Variants in KCNIP4 observed in about 807,000 individuals in gnomAD.
KCNIP4 encodes potassium voltage-gated channel interacting protein 4, also known as Kv channel-interacting protein 4.
Under a neutral mutation model 34.0 loss-of-function variants are expected in KCNIP4, and 12 were observed. The observed-to-expected ratio is 0.35, with a 90% CI of 0.23 to 0.57. KCNIP4 has a LOEUF of 0.57. Among genes scored for constraint, KCNIP4 ranks in the 20% least tolerant of loss-of-function variants. The pLI is 0.83. For missense variants in KCNIP4, 238 were observed against 311.7 expected (o/e 0.76, Z 1.78); for synonymous variants, 124 against 102.2 (o/e 1.21, Z -1.29).
chr4:21,429,089 C>T (rs1489426848), intron 1 of KCNIP4, among the ~76,000 whole-genome samples: 1 of 152,144 alleles, frequency 6.6e-6, no homozygotes, highest in Non-Finnish European at 1.5e-5. Flanking sequence ...TAGTATCATA[C>T]AAAATAGGTT....
chr4:21,261,717 T>C (rs1327255493), intron 1 of KCNIP4, among the ~76,000 whole-genome samples: 3 of 152,166 alleles, frequency 2.0e-5, no homozygotes, highest in Non-Finnish European at 4.4e-5. Context: ...TAAGTCCTAT[T>C]GGCTCTACGT....
At chr4:21,401,391 T>C (rs1038277134) in intron 1 of KCNIP4, among the ~76,000 whole-genome samples, 1 of 152,220 alleles carries the variant, frequency 6.6e-6, no homozygotes, top group Non-Finnish European at 1.5e-5. Flanking sequence ...AAATCTCCGA[T>C]GCCCATGTAC....
chr4:21,330,325 C>T (rs889435774), intron 1 of KCNIP4, among the ~76,000 whole-genome samples: 2 of 152,016 alleles, frequency 1.3e-5, no homozygotes, highest in African/African-American at 2.4e-5. Flanking sequence ...CATGTTAACC[C>T]GAATAAGTTT....
intron 1 of KCNIP4, among the ~76,000 whole-genome samples, chr4:20,956,615 T>G (rs1050304373): frequency 2.0e-5 from 3 of 152,100 alleles, no homozygotes; most frequent in Admixed American, 6.6e-5. Context: ...TGCAGAAGAA[T>G]AAAACAATAG....
chr4:21,716,206 C>T (rs955208715), intron 1 of KCNIP4, among the ~76,000 whole-genome samples: 2 of 152,060 alleles, frequency 1.3e-5, no homozygotes, highest in African/African-American at 2.4e-5. Flanking sequence ...ACTCAGTTTA[C>T]GTATGGGGCC....
intron 1 of KCNIP4, among the ~76,000 whole-genome samples, chr4:21,477,741 C>G (rs1212946794): frequency 6.6e-6 from 1 of 152,074 alleles, no homozygotes; most frequent in Non-Finnish European, 1.5e-5. Context: ...ATGAGTGCAC[C>G]ATGTACAGAA....
At chr4:20,902,954 C>T (rs182268926) in intron 1 of KCNIP4, among the ~76,000 whole-genome samples, 305 of 152,276 alleles carry the variant, frequency 2.0e-3, no homozygotes, top group African/African-American at 7.1e-3. Flanking sequence ...TTTATGAAAA[C>T]ATATTACATA....
intron 1 of KCNIP4, among the ~76,000 whole-genome samples, chr4:21,902,055 T>C (rs552552986): frequency 3.1e-4 from 47 of 152,220 alleles, no homozygotes; most frequent in Non-Finnish European, 5.7e-4. Flanking sequence ...TCAGCTATAT[T>C]ACTTTCAACT....
intron 3 of KCNIP4, among the ~76,000 whole-genome samples, chr4:20,807,735 A>G (rs2149428282): frequency 6.6e-6 from 1 of 152,288 alleles, no homozygotes; most frequent in South Asian, 2.1e-4. Flanking sequence ...CCTACTGAAA[A>G]ATGTGCTCAG....
intron 1 of KCNIP4, among the ~76,000 whole-genome samples, chr4:21,243,355 A>G (rs1759988458): frequency 2.0e-5 from 3 of 152,176 alleles, no homozygotes; most frequent in Admixed American, 1.3e-4. Flanking sequence ...TTACTGTTTA[A>G]AGATAGAAAT....
intron 2 of KCNIP4, among the ~76,000 whole-genome samples, chr4:20,857,208 C>T (rs545094954): frequency 7.2e-5 from 11 of 152,138 alleles, no homozygotes; most frequent in African/African-American, 2.4e-4. Context: ...TCAGCAATCA[C>T]CAGCATATGA....
chr4:21,373,000 T>G (rs1384140231), intron 1 of KCNIP4, among the ~76,000 whole-genome samples: 1 of 145,896 alleles, frequency 6.9e-6, no homozygotes, highest in Non-Finnish European at 1.5e-5. Flanking sequence ...TACTAGATTA[T>G]TGGGCAGAAA....
At chr4:21,714,780 CCTTTGATTAT>C (rs926575254) in intron 1 of KCNIP4, among the ~76,000 whole-genome samples, 1 of 49,410 alleles carries the variant, frequency 2.0e-5, no homozygotes, top group African/African-American at 1.4e-4. Context: ...TAGTAATTTC[CCTTTGATTAT>C]TTTATTTTAT....
At chr4:21,373,377 T>G (rs1720668665) in intron 1 of KCNIP4, among the ~76,000 whole-genome samples, 1 of 147,338 alleles carries the variant, frequency 6.8e-6, no homozygotes, top group Non-Finnish European at 1.5e-5. Context: ...TAGTGAGATT[T>G]TAGAAAGTAG....
chr4:21,841,543 T>A (rs1320597608), intron 1 of KCNIP4, among the ~76,000 whole-genome samples: 3 of 152,204 alleles, frequency 2.0e-5, no homozygotes, highest in Admixed American at 1.3e-4. Context: ...AAATTTTATT[T>A]CTGCATAAGT....
chr4:21,802,292 A>G (rs1237398256), intron 1 of KCNIP4, among the ~76,000 whole-genome samples: 5 of 152,138 alleles, frequency 3.3e-5, no homozygotes, highest in African/African-American at 1.2e-4. Flanking sequence ...TAGACCTTAC[A>G]TGTCTTATCT....
At chr4:21,137,924 T>C (rs926424730) in intron 1 of KCNIP4, among the ~76,000 whole-genome samples, 1 of 140,542 alleles carries the variant, frequency 7.1e-6, no homozygotes, top group Non-Finnish European at 1.5e-5. Context: ...CAGGCTAGAC[T>C]GCAATGGTAT....
In KCNIP4 at chr4:20,882,715, A is replaced by T; in HGVS notation, c.62-6T>A. The T allele has an allele frequency of 6.2e-7, 1 of 1,609,840 alleles. No homozygotes were observed. The highest frequency in any genetic ancestry group is 1.1e-5 in the South Asian group (1 of 90,986). On this transcript the variant is annotated splice_region_variant and splice_polypyrimidine_tract_variant and intron_variant, in intron 1 of 8. Coordinates refer to ENST00000382152, the MANE Select transcript of KCNIP4 (RefSeq NM_025221.6). Reference sequence around the variant, plus strand: ...GTTCTGAGCGTACAGGAAACCTAGAAGATACAGGATCAGTTCTGTTAATGC... The same window carrying T: ...GTTCTGAGCGTACAGGAAACCTAGATGATACAGGATCAGTTCTGTTAATGC...
intron 1 of KCNIP4, among the ~76,000 whole-genome samples, chr4:21,008,593 G>A (rs1382026907): frequency 6.6e-6 from 1 of 151,328 alleles, no homozygotes; most frequent in Admixed American, 6.6e-5. Context: ...GTGCGATCTC[G>A]GCTCACTGCA....
Sources: allele counts gnomAD v4.1 joint callset (sites outside exome capture counted in the v4.1 genomes callset), GRCh38; gene constraint gnomAD v4.1.1; transcripts MANE v1.5; gene names NCBI Gene and HGNC (gene_info 2026-07-23, HGNC 2026-07-21).